Variants in RAB3IP observed in about 807,000 individuals in gnomAD.
RAB3IP encodes the protein RAB3A interacting protein.
RAB3IP carries 36 observed loss-of-function variants against 59.1 expected under a neutral mutation model. The ratio of observed to expected loss-of-function variants is 0.61; its 90% CI spans 0.47 to 0.80. The LOEUF is 0.80. Among genes scored for constraint, RAB3IP ranks in the 30% least tolerant of loss-of-function variants. The pLI, the probability that RAB3IP is intolerant of heterozygous loss-of-function variation, is 0.00. For missense variants in RAB3IP, 511 were observed against 536.0 expected (o/e 0.95, Z 0.46); for synonymous variants, 207 against 191.2 (o/e 1.08, Z -0.68).
At chr12:69,746,786 G>A (rs1010944575) in intron 1 of RAB3IP, among the ~76,000 whole-genome samples, 1 of 152,204 alleles carries the variant, frequency 6.6e-6, no homozygotes, top group East Asian at 1.9e-4. Flanking sequence ...TGAAGTAGCA[G>A]TCTCATTTTT....
chr12:69,751,268 A>G (rs543575989), intron 1 of RAB3IP, among the ~76,000 whole-genome samples: 1 of 152,284 alleles, frequency 6.6e-6, no homozygotes, highest in East Asian at 1.9e-4. Context: ...AGTCCGTTTG[A>G]TATCAGTCCA....
intron 6 of RAB3IP, 58 bp from the exon 7 acceptor site, chr12:69,800,151 C>A: frequency 1.5e-6 from 2 of 1,346,162 alleles, no homozygotes; most frequent in Non-Finnish European, 2.0e-6. Flanking sequence ...TTTTGTAAAG[C>A]GGTTTTTATG....
rs71278203 is a variant in RAB3IP at position 69,766,528 on chromosome 12, C to CTT, written c.510+9875_510+9876dup. Among the ~76,000 whole-genome samples, 470 of 146,946 alleles carry CTT rather than the reference C, an allele frequency of 3.2e-3. 1 individual carries two copies. Among genetic ancestry groups the CTT allele is most frequent in the Admixed American group, 0.016 (242 of 14,838 alleles). ...CTCTGATTTCTTTTTCTTTTCTTTT[C>CTT]TTTTTTTTTTTAAGACAGTTTCACT... On this transcript the variant is annotated intron_variant, in intron 3 of 10. Transcript: ENST00000247833.
At chr12:69,773,706 CCAATTTCATCCATGTCCCTA>C (rs1383866588) in intron 3 of RAB3IP, among the ~76,000 whole-genome samples, 1 of 84,756 alleles carries the variant, frequency 1.2e-5, no homozygotes, top group African/African-American at 4.6e-5. Flanking sequence ...ATGATGGTTT[CCAATTTCATCCATGTCCCTA>C]CAAAGGATAT....
Position 69,771,804 on chromosome 12 carries a change from T to C in RAB3IP, c.511-12916T>C, listed in dbSNP as rs1873166246. On this transcript the variant is annotated intron_variant, in intron 3 of 10. Transcript: ENST00000247833. Reference sequence around the variant, plus strand: ...CTTTCTCCACATCCTCCTCAGTGTTTGTTATTTTTCATCATTTTGATGATA... The same window carrying C: ...CTTTCTCCACATCCTCCTCAGTGTTCGTTATTTTTCATCATTTTGATGATA... Among the ~76,000 whole-genome samples the C allele has an allele frequency of 2.0e-5, 3 of 152,198 alleles. No homozygotes were observed. The South Asian group carries it at 6.2e-4, about 32-fold the overall frequency.
intron 7 of RAB3IP, 27 bp from the exon 8 acceptor site, chr12:69,801,582 A>T (rs538835077): frequency 7.1e-7 from 1 of 1,400,112 alleles, no homozygotes; most frequent in East Asian, 2.3e-5. Flanking sequence ...CCAGTATAGC[A>T]TCTAGTACTT....
chr12:69,755,709 TGC>T, intron 2 of RAB3IP, 50 bp downstream of exon 2: 15 of 1,462,220 alleles, frequency 1.0e-5, no homozygotes, highest in Non-Finnish European at 1.2e-5. Flanking sequence ...ATGGACAGTT[TGC>T]TTAGTTACTA....
At chr12:69,794,641 A>C (rs1877158545) in intron 5 of RAB3IP, 127 bp downstream of exon 5, 2 of 630,780 alleles carry the variant, frequency 3.2e-6, no homozygotes, top group Non-Finnish European at 5.4e-6. Flanking sequence ...AAACTACAGA[A>C]AAATAGAAGA....
At chr12:69,747,331 T>TGTGTGAGA (rs1165639333) in intron 1 of RAB3IP, among the ~76,000 whole-genome samples, 60 of 86,008 alleles carry the variant, frequency 7.0e-4, no homozygotes, top group African/African-American at 2.2e-3. Flanking sequence ...TGTGTGTGTG[T>TGTGTGAGA]GAGAGAGAGA....
chr12:69,763,484 A>C (rs187851298), intron 3 of RAB3IP, among the ~76,000 whole-genome samples: 2 of 152,172 alleles, frequency 1.3e-5, no homozygotes, highest in Admixed American at 1.3e-4. Flanking sequence ...GACCACTTCC[A>C]CCTCTTGGTA....
Position 69,795,178 on chromosome 12 carries a change from C to T in RAB3IP, c.722C>T (p.Thr241Ile). ...VLQAEVAALKTLVLSSSPTSP... is the reference protein window; with the variant it reads ...VLQAEVAALKILVLSSSPTSP... Reference sequence around the variant, plus strand: ...CAAGCTGAAGTAGCTGCATTGAAGACACTTGTATTGTCCAGTTCTCCAACA... The same window carrying T: ...CAAGCTGAAGTAGCTGCATTGAAGATACTTGTATTGTCCAGTTCTCCAACA... The change falls in exon 6 of 11, where the codon ACA (threonine) becomes ATA (isoleucine). Residue 241 changes from threonine to isoleucine, a missense_variant. By Grantham distance (89) the Thr-to-Ile change is moderately conservative. Transcript: ENST00000247833. 1.2e-6 allele frequency: 2 copies of T among 1,614,058 alleles called. No individual in the cohort carries two copies. Among genetic ancestry groups the T allele is most frequent in the Non-Finnish European group, 1.7e-6 (2 of 1,179,952 alleles).
At position 69,783,525 on chromosome 12, in the gene RAB3IP, G is replaced by A. The variant is rs1875110228; in HGVS notation, c.511-1195G>A. Among the ~76,000 whole-genome samples the A allele has an allele frequency of 2.0e-5, 3 of 152,066 alleles. No individual in the cohort carries two copies. In the South Asian group the frequency reaches 6.2e-4, roughly 32 times the overall value. ...TCCGTCCTTCTGGTGAGGGCTCTTT[G>A]TTACGTACTCCTCTAAGATGTTTGA... On this transcript the variant is annotated intron_variant, in intron 3 of 10. Coordinates refer to ENST00000247833, the MANE Select transcript of RAB3IP (RefSeq NM_022456.5).
In RAB3IP at chr12:69,813,018, G is replaced by T; in HGVS notation, c.1285G>T (p.Val429Leu). 2 of 1,611,796 alleles carry T rather than the reference G, an allele frequency of 1.2e-6. No homozygotes were observed. The highest frequency in any genetic ancestry group is 1.7e-6 in the Non-Finnish European group (2 of 1,178,522). The part of the protein sequence containing the change: ...TYIRYIQQGL[V>L]KQQDVDQMFW... Reference sequence around the variant, plus strand: ...CATTCGATACATTCAGCAGGGACTCGTGAAACAGCAGGATGGTGAGTGTTC... The same window carrying T: ...CATTCGATACATTCAGCAGGGACTCTTGAAACAGCAGGATGGTGAGTGTTC... Residue 429 changes from valine to leucine, a missense_variant, in exon 10 of 11, where the codon GTG (valine) becomes TTG (leucine). Val to Leu is a conservative substitution (Grantham distance 32). Transcript: ENST00000247833.
chr12:69,756,664 G>T lies in RAB3IP; in HGVS notation c.510+1G>T. 6.2e-7 allele frequency: 1 copy of T among 1,608,058 alleles called. No individual in the cohort carries two copies. Among genetic ancestry groups the T allele is most frequent in the Non-Finnish European group, 8.5e-7 (1 of 1,177,730 alleles). Reference sequence around the variant, plus strand: ...AGAAGAACTCGCAAAAGCTCAGAGGGTAAGAAAGAAGATATTTTATTCTTC... The same window carrying T: ...AGAAGAACTCGCAAAAGCTCAGAGGTTAAGAAAGAAGATATTTTATTCTTC... On this transcript the variant is annotated splice_donor_variant, in intron 3 of 10. Transcript: ENST00000247833. LOFTEE classifies it high-confidence loss of function.
rs1171415814 is a variant in RAB3IP at position 69,815,613 on chromosome 12, G to GT, written c.*170dup. The GT allele has an allele frequency of 4.7e-6, 2 of 430,058 alleles. No homozygotes were observed. Among genetic ancestry groups the GT allele is most frequent in the Admixed American group, 4.1e-5 (1 of 24,252 alleles). The allele number at this position is 430,058 out of a possible 1,614,324, so 26.6% of individuals were successfully genotyped here. A position where few individuals can be genotyped will look rare whatever the true frequency, so the allele number is the denominator to read the frequency against. On this transcript the variant is annotated 3_prime_UTR_variant, in exon 11 of 11. Coordinates refer to ENST00000247833, the MANE Select transcript of RAB3IP (RefSeq NM_022456.5). ...TTTCTTTTAAACTGATCTATGCTGT[G>GT]TTTGCTTATTCTTTAGTTGAACACA... is the stretch of plus-strand genomic sequence containing the variant.
chr12:69,786,354 T>G (rs1251709574), intron 4 of RAB3IP, among the ~76,000 whole-genome samples: 2 of 152,202 alleles, frequency 1.3e-5, no homozygotes, highest in Admixed American at 6.5e-5. Flanking sequence ...TGCCTTCTTT[T>G]CTGTCTTTTT....
At chr12:69,808,003 T>C (rs1483915718) in intron 8 of RAB3IP, among the ~76,000 whole-genome samples, 2 of 152,354 alleles carry the variant, frequency 1.3e-5, no homozygotes, top group Non-Finnish European at 2.9e-5. Flanking sequence ...TTTTAGATCT[T>C]TCCTGCTTTC....
intron 8 of RAB3IP, among the ~76,000 whole-genome samples, chr12:69,806,830 C>G (rs1879388616): frequency 6.6e-6 from 1 of 152,092 alleles, no homozygotes; most frequent in Non-Finnish European, 1.5e-5. Flanking sequence ...GCACATCTTG[C>G]ACTGCCCTTA....
At position 69,820,597 on chromosome 12, in the gene RAB3IP, G is replaced by T. The variant is rs1165398537; in HGVS notation, c.*5151G>T. 6.7e-6 allele frequency: 1 copy of T among 149,250 alleles called. No individual in the cohort carries two copies. The highest frequency in any genetic ancestry group is 2.5e-5 in the African/African-American group (1 of 40,238). 9.2% of individuals were successfully genotyped at this position (149,250 alleles called of 1,614,324 possible). On this transcript the variant is annotated 3_prime_UTR_variant, in exon 11 of 11. Coordinates refer to ENST00000247833, the MANE Select transcript of RAB3IP (RefSeq NM_022456.5). ...AAACTGGCCAGGTGCGATGGCTCATGCCTGTAATCCCAGCACTTTGGGAGG... is the reference window on the plus strand; with the variant it reads ...AAACTGGCCAGGTGCGATGGCTCATTCCTGTAATCCCAGCACTTTGGGAGG...
Sources: gnomAD v4.1 joint callset for allele counts (sites outside exome capture counted in the v4.1 genomes callset) on GRCh38, gnomAD v4.1.1 for gene constraint, MANE v1.5 for transcripts, NCBI Gene and HGNC (gene_info 2026-07-23, HGNC 2026-07-21) for gene names.